Variants in MYO10 observed in about 807,000 individuals in gnomAD.
MYO10 encodes the protein myosin X.
A neutral mutation model predicts 257.3 loss-of-function variants in MYO10; 133 were observed. That is an observed-to-expected ratio of 0.52 (90% CI 0.45 to 0.60). The LOEUF (loss-of-function observed/expected upper bound fraction) is 0.60. Ranked by LOEUF, MYO10 falls within the 20% of genes least tolerant of loss-of-function variation. MYO10 has a pLI of 0.00. For synonymous variants in MYO10, 1,104 were observed against 1,028.6 expected, an observed-to-expected ratio of 1.07 and a Z score of -1.40; for missense variants, 2,399 against 2,635.7, an observed-to-expected ratio of 0.91 and a Z score of 1.97.
intron 22 of MYO10, 98 bp downstream of exon 22, chr5:16,704,481 C>CA: frequency 9.8e-7 from 1 of 1,023,346 alleles, no homozygotes; most frequent in East Asian, 2.6e-5. Context: ...AGGCTCCCCT[C>CA]AATTCAAAAA....
At chr5:16,775,965 G>A (rs769365841) in intron 9 of MYO10, among the ~76,000 whole-genome samples, 7 of 151,732 alleles carry the variant, frequency 4.6e-5, no homozygotes, top group African/African-American at 1.5e-4. Context: ...ACATAATCTC[G>A]GCTCACTGTA....
intron 19 of MYO10, among the ~76,000 whole-genome samples, chr5:16,720,602 G>A (rs1383265178): frequency 1.3e-5 from 2 of 152,072 alleles, no homozygotes; most frequent in Non-Finnish European, 2.9e-5. Flanking sequence ...GGGAATATAG[G>A]CACGTGCCAC....
intron 6 of MYO10, 30 bp downstream of exon 6, chr5:16,781,675 C>T (rs1579984288): frequency 1.3e-6 from 2 of 1,595,636 alleles, no homozygotes; most frequent in Non-Finnish European, 8.6e-7. Flanking sequence ...GAATCAATTA[C>T]TATAGATAAA....
intron 1 of MYO10, among the ~76,000 whole-genome samples, chr5:16,911,034 A>G (rs1745644251): frequency 6.6e-6 from 1 of 152,142 alleles, no homozygotes; most frequent in Non-Finnish European, 1.5e-5. Flanking sequence ...AGATTATCCA[A>G]TTTCTACCCC....
chr5:16,794,292 G>C (rs1444697299), intron 4 of MYO10, among the ~76,000 whole-genome samples: 1 of 146,538 alleles, frequency 6.8e-6, no homozygotes, highest in East Asian at 2.0e-4. Flanking sequence ...AAATTTGAAA[G>C]AACTATGCAA....
chr5:16,865,193 A>T (rs759875265), intron 2 of MYO10, among the ~76,000 whole-genome samples: 71 of 152,294 alleles, frequency 4.7e-4, no homozygotes, highest in Non-Finnish European at 9.0e-4. Context: ...ATCGGATTTT[A>T]AAAAATTATC....
chr5:16,910,824 C>A (rs1293374274), intron 1 of MYO10, among the ~76,000 whole-genome samples: 1 of 152,140 alleles, frequency 6.6e-6, no homozygotes, highest in Non-Finnish European at 1.5e-5. Flanking sequence ...GTTTCTAGAA[C>A]CTTCCCATTT....
intron 1 of MYO10, among the ~76,000 whole-genome samples, chr5:16,886,339 G>A (rs1744896387): frequency 6.6e-6 from 1 of 152,176 alleles, no homozygotes; most frequent in South Asian, 2.1e-4. Flanking sequence ...TTTTCTTTGG[G>A]CTGGAGAACA....
At chr5:16,913,991 C>T (rs927624943) in intron 1 of MYO10, among the ~76,000 whole-genome samples, 1 of 152,174 alleles carries the variant, frequency 6.6e-6, no homozygotes, top group Non-Finnish European at 1.5e-5. Flanking sequence ...AACAATACAA[C>T]ACAGCTAACC....
rs1736088343 is a variant in MYO10 at position 16,664,744 on chromosome 5, A to G, written c.*1948T>C. The G allele has an allele frequency of 6.6e-6, 1 of 152,208 alleles. No homozygotes were observed. The highest frequency in any genetic ancestry group is 2.4e-5 in the African/African-American group (1 of 41,444). 9.4% of individuals were successfully genotyped at this position (152,208 alleles called of 1,614,324 possible). A position where few individuals can be genotyped will look rare whatever the true frequency, so the allele number is the denominator to read the frequency against. On this transcript the variant is annotated 3_prime_UTR_variant, in exon 41 of 41. Coordinates refer to ENST00000513610, the MANE Select transcript of MYO10 (RefSeq NM_012334.3). Reference sequence around the variant, plus strand: ...TGGGGCTGACATAGGGGACTGTCTGACATAAACACATTTCAAGTCCTCAGC... The same window carrying G: ...TGGGGCTGACATAGGGGACTGTCTGGCATAAACACATTTCAAGTCCTCAGC...
intron 8 of MYO10, 95 bp downstream of exon 8, chr5:16,780,429 G>T: frequency 1.7e-6 from 2 of 1,167,122 alleles, no homozygotes; most frequent in Non-Finnish European, 2.5e-6. Flanking sequence ...TCGGTGAAAT[G>T]TCAACATTAA....
intron 17 of MYO10, 149 bp downstream of exon 17, chr5:16,761,315 T>C (rs1740707499): frequency 1.6e-6 from 1 of 644,860 alleles, no homozygotes; most frequent in Non-Finnish European, 2.7e-6. Flanking sequence ...GTTATACTTT[T>C]GAGTTACTTC....
chr5:16,934,353 G>A (rs1188770316), intron 1 of MYO10, among the ~76,000 whole-genome samples: 1 of 152,210 alleles, frequency 6.6e-6, no homozygotes, highest in Non-Finnish European at 1.5e-5. Flanking sequence ...GATTTTCTAA[G>A]GGACCCAGAA....
chr5:16,808,408 G>A (rs1742338611), intron 3 of MYO10, among the ~76,000 whole-genome samples: 2 of 152,208 alleles, frequency 1.3e-5, no homozygotes, highest in African/African-American at 4.8e-5. Context: ...AGGAGTTGGA[G>A]GCTGTGGTGA....
intron 2 of MYO10, among the ~76,000 whole-genome samples, chr5:16,867,632 G>C (rs1053957171): frequency 1.3e-5 from 2 of 152,154 alleles, no homozygotes; most frequent in African/African-American, 2.4e-5. Context: ...CAAAACCAGA[G>C]AGTCAAACCA....
In MYO10 at chr5:16,877,916, G is replaced by C. The variant is rs1744652125; in HGVS notation, c.22-209C>G. On this transcript the variant is annotated intron_variant, in intron 1 of 40. Transcript: ENST00000513610. The stretch of plus-strand genomic sequence containing the variant: ...GTGACTGAGAGTCCCATCAGACATA[G>C]AAGGCAAAGAGGGACTAAGAAAATA... 1.3e-5 allele frequency among the ~76,000 whole-genome samples: 2 copies of C among 152,198 alleles called. 1 individual carries two copies. Among genetic ancestry groups the C allele is most frequent in the Admixed American group, 1.3e-4 (2 of 15,272 alleles).
chr5:16,916,405 TAAAAAA>T lies in MYO10; in HGVS notation c.21+19377_21+19382del, dbSNP rs71596001. 451 of 104,262 alleles carry T rather than the reference TAAAAAA, an allele frequency of 4.3e-3. 2 individuals are homozygous for T. Among genetic ancestry groups the T allele is most frequent in the African/African-American group, 0.015 (413 of 27,590 alleles). The allele number at this position is 104,262 out of a possible 1,614,324, so 6.5% of individuals were successfully genotyped here. A position where few individuals can be genotyped will look rare whatever the true frequency, so the allele number is the denominator to read the frequency against. ...CTTCCAATGTCAAAAAGCCATGAAGTAAAAAAAAAAAAAAAAAAAAAAATCAGATTA... is the reference window on the plus strand; with the variant it reads ...CTTCCAATGTCAAAAAGCCATGAAGTAAAAAAAAAAAAAAAAATCAGATTA... On this transcript the variant is annotated intron_variant, in intron 1 of 40. Coordinates refer to ENST00000513610, the MANE Select transcript of MYO10 (RefSeq NM_012334.3).
chr5:16,897,846 C>A (rs1447908841), intron 1 of MYO10, among the ~76,000 whole-genome samples: 1 of 152,208 alleles, frequency 6.6e-6, no homozygotes, highest in East Asian at 1.9e-4. Context: ...AAAGTAGCAA[C>A]AGCAAACAAT....
intron 19 of MYO10, among the ~76,000 whole-genome samples, chr5:16,750,774 T>G (rs1162228208): frequency 1.3e-5 from 2 of 152,072 alleles, no homozygotes; most frequent in East Asian, 3.9e-4. Context: ...GGCAAGGAGA[T>G]CACCTGAGGT....
Sources: gnomAD v4.1 joint callset for allele counts (sites outside exome capture counted in the v4.1 genomes callset) on GRCh38, gnomAD v4.1.1 for gene constraint, MANE v1.5 for transcripts, NCBI Gene and HGNC (gene_info 2026-07-23, HGNC 2026-07-21) for gene names.